AUTS2: variants seen among roughly 807,000 people sequenced by gnomAD.
AUTS2 encodes autism susceptibility gene 2 protein.
In AUTS2, 17 loss-of-function variants were observed where a neutral mutation model predicts 112.4. The observed-to-expected ratio is 0.15, with a 90% confidence interval of 0.10 to 0.23. The LOEUF (loss-of-function observed/expected upper bound fraction) is 0.23, where lower values mean the gene tolerates loss of function less well. AUTS2 is among the 10% of genes least tolerant of loss of function. AUTS2 has a pLI of 1.00. For synonymous variants in AUTS2, 751 were observed against 702.7 expected (o/e 1.07, Z -1.09); for missense variants, 1,510 against 1,701.6 (o/e 0.89, Z 1.98).
chr7:70,004,136 A>T (rs536152796), intron 2 of AUTS2, among the ~76,000 whole-genome samples: 1 of 110,616 alleles, frequency 9.0e-6, no homozygotes, highest in African/African-American at 3.4e-5. Context: ...GAATATATAT[A>T]ATATATATGA....
At chr7:69,732,861 A>G (rs1786858855) in intron 1 of AUTS2, among the ~76,000 whole-genome samples, 1 of 152,218 alleles carries the variant, frequency 6.6e-6, no homozygotes, top group Non-Finnish European at 1.5e-5. Context: ...CACAGCTTTT[A>G]TTCTGCAAGG....
intron 4 of AUTS2, among the ~76,000 whole-genome samples, chr7:70,346,687 C>A (rs1378674486): frequency 6.6e-6 from 1 of 152,186 alleles, no homozygotes; most frequent in East Asian, 1.9e-4. Flanking sequence ...ACAACATCCT[C>A]ATGACAAACC....
intron 1 of AUTS2, among the ~76,000 whole-genome samples, chr7:69,790,180 A>G (rs569282127): frequency 3.3e-5 from 5 of 152,218 alleles, no homozygotes; most frequent in African/African-American, 9.6e-5. Context: ...AGTTTCAGCT[A>G]TTTGGGAGGC....
At chr7:70,382,135 T>C (rs532884719) in intron 4 of AUTS2, among the ~76,000 whole-genome samples, 17 of 152,254 alleles carry the variant, frequency 1.1e-4, no homozygotes, top group African/African-American at 4.1e-4. Context: ...GTGTCTGTAA[T>C]CTCCTCTTCT....
chr7:70,516,241 C>T (rs996970197), intron 5 of AUTS2, among the ~76,000 whole-genome samples: 4 of 152,146 alleles, frequency 2.6e-5, no homozygotes, highest in Non-Finnish European at 5.9e-5. Flanking sequence ...TCTCCCCTCA[C>T]TAAGAGTCTC....
intron 4 of AUTS2, among the ~76,000 whole-genome samples, chr7:70,239,502 C>A (rs1395270584): frequency 6.6e-6 from 1 of 152,102 alleles, no homozygotes; most frequent in East Asian, 1.9e-4. Flanking sequence ...ATGGTGCGAT[C>A]TTGGCTCACT....
intron 4 of AUTS2, among the ~76,000 whole-genome samples, chr7:70,231,848 A>G (rs1425825973): frequency 6.6e-6 from 1 of 151,686 alleles, no homozygotes; most frequent in East Asian, 1.9e-4. Context: ...ATCTTGGCTC[A>G]CTGCAACCTC....
chr7:70,274,585 C>G (rs768053806), intron 4 of AUTS2, among the ~76,000 whole-genome samples: 234 of 152,210 alleles, frequency 1.5e-3, no homozygotes, highest in Non-Finnish European at 2.7e-3. Context: ...GACACTGTGC[C>G]CAGCCTTCAA....
At chr7:70,134,714 G>A in intron 4 of AUTS2, 143 bp downstream of exon 4, 2 of 831,604 alleles carry the variant, frequency 2.4e-6, no homozygotes, top group Non-Finnish European at 4.0e-6. Flanking sequence ...TCTTTATTAG[G>A]AATTGTTTTA....
chr7:70,513,510 G>A (rs371249482), intron 5 of AUTS2, among the ~76,000 whole-genome samples: 4 of 152,156 alleles, frequency 2.6e-5, no homozygotes, highest in Admixed American at 2.6e-4. Flanking sequence ...CTATCCCCCT[G>A]TCTCCACCAC....
chr7:70,036,970 G>A (rs1355324309), intron 2 of AUTS2, among the ~76,000 whole-genome samples: 1 of 152,118 alleles, frequency 6.6e-6, no homozygotes, highest in African/African-American at 2.4e-5. Flanking sequence ...CCTTTGGAAG[G>A]TCATTTTGAA....
rs1792175961 is a variant in AUTS2, at chr7:69,598,603, C to T, written c.-1051C>T. 5.6e-6 allele frequency: 1 copy of T among 177,470 alleles called. No individual in the cohort carries two copies. The highest frequency in any genetic ancestry group is 1.2e-5 in the Non-Finnish European group (1 of 86,748). The allele number at this position is 177,470 out of a possible 1,614,324, so 11.0% of individuals were successfully genotyped here. A position where few individuals can be genotyped will look rare whatever the true frequency, so the allele number is the denominator to read the frequency against. On this transcript the variant is annotated 5_prime_UTR_variant, in exon 1 of 19. Transcript: ENST00000342771. The stretch of plus-strand genomic sequence containing the variant: ...GCGGCGAGAGCAGCGTTCCCGGCTG[C>T]GCTTCTCCCTCAGGCGGGGCGGCGA...
intron 5 of AUTS2, among the ~76,000 whole-genome samples, chr7:70,669,782 G>T (rs2129543837): frequency 6.6e-6 from 1 of 152,144 alleles, no homozygotes; most frequent in Admixed American, 6.5e-5. Flanking sequence ...TTCTTCTTTG[G>T]CACAAGGGCT....
chr7:70,137,462 CT>C (rs199730033), intron 4 of AUTS2, among the ~76,000 whole-genome samples: 234 of 131,392 alleles, frequency 1.8e-3, no homozygotes, highest in African/African-American at 2.7e-3. Flanking sequence ...GTAGGATTTT[CT>C]TTTTTTTTTT....
intron 1 of AUTS2, among the ~76,000 whole-genome samples, chr7:69,768,829 T>G (rs1478611569): frequency 6.6e-6 from 1 of 152,166 alleles, no homozygotes; most frequent in African/African-American, 2.4e-5. Flanking sequence ...AGGAGGGGCC[T>G]GGGTTTTAGA....
chr7:70,786,779 T>G (rs1791519624), intron 17 of AUTS2: 2 of 298,128 alleles, frequency 6.7e-6, no homozygotes, highest in African/African-American at 2.3e-5. Flanking sequence ...CTGTCTGGTC[T>G]CTGGTGACAC....
chr7:70,472,157 C>G (rs1054656432), intron 5 of AUTS2, among the ~76,000 whole-genome samples: 25 of 152,190 alleles, frequency 1.6e-4, no homozygotes, highest in African/African-American at 5.1e-4. Flanking sequence ...CTACTCTTCA[C>G]CCTTGGATAG....
chr7:70,568,979 T>C (rs1801825636), intron 5 of AUTS2, among the ~76,000 whole-genome samples: 1 of 152,216 alleles, frequency 6.6e-6, no homozygotes, highest in Non-Finnish European at 1.5e-5. Context: ...GTACATACTA[T>C]AAAAATGTCA....
chr7:70,188,157 A>C (rs1809704229), intron 4 of AUTS2, among the ~76,000 whole-genome samples: 2 of 152,168 alleles, frequency 1.3e-5, no homozygotes, highest in Admixed American at 1.3e-4. Context: ...GCACTTGCTA[A>C]ATGCTTTGTT....
Sources: allele counts gnomAD v4.1 joint callset (sites outside exome capture counted in the v4.1 genomes callset), GRCh38; gene constraint gnomAD v4.1.1; transcripts MANE v1.5; gene names NCBI Gene and HGNC (gene_info 2026-07-23, HGNC 2026-07-21).